RBCK1: variants seen among roughly 807,000 people sequenced by gnomAD.
RBCK1 encodes the protein ranBP-type and C3HC4-type zinc finger-containing protein 1.
Under a neutral mutation model 71.1 loss-of-function variants are expected in RBCK1, and 44 were observed. The ratio of observed to expected loss-of-function variants is 0.62; its 90% CI spans 0.49 to 0.80. The LOEUF is 0.80. Ranked by LOEUF, RBCK1 falls within the 30% of genes least tolerant of loss-of-function variation. RBCK1 has a pLI of 0.00. For synonymous variants in RBCK1, 306 were observed against 279.7 expected, an observed-to-expected ratio of 1.09 and a Z score of -0.94; for missense variants, 569 against 685.0, an observed-to-expected ratio of 0.83 and a Z score of 1.89.
rs201470953 is a variant in RBCK1, at chr20:422,238, G to A, written c.1029G>A (p.Ala343=). The A allele has an allele frequency of 3.8e-5, 61 of 1,613,278 alleles. No homozygotes were observed. The Admixed American group carries it at 4.5e-4, about 12-fold the overall frequency. The change falls in exon 8 of 12, where the codon GCG becomes GCA. Residue 343 remains alanine (A), a splice_region_variant and synonymous_variant. Transcript: ENST00000356286. The surrounding 1 kb of genome is among the most constrained non-coding windows in gnomAD (Gnocchi z 5.0). ...SGKLLEREIK[A]LLTPEDYQRF... ...AGCTGCTGGAGAGGGAGATCAAGGC[G>A]GTAAGGCCTCAGGGTGGGAGACATA...
At chr20:410,933 T>C (rs867163337) in intron 2 of RBCK1, among the ~76,000 whole-genome samples, 1 of 152,186 alleles carries the variant, frequency 6.6e-6, no homozygotes, top group Non-Finnish European at 1.5e-5. Context: ...TTTTAGTATA[T>C]TCAAGGTTGT....
In RBCK1 at chr20:417,397, G is replaced by T. The variant is rs1237108532; in HGVS notation, c.168-129G>T. On this transcript the variant is annotated intron_variant, in intron 2 of 11. Transcript: ENST00000356286. The surrounding 1 kb of genome is among the most constrained non-coding windows in gnomAD (Gnocchi z 4.7). ...TGGGGCCTACCCCAGACTGGGGTTTGTGTGTGTGTGTGTGTGTGTGTGTGT... is the reference window on the plus strand; with the variant it reads ...TGGGGCCTACCCCAGACTGGGGTTTTTGTGTGTGTGTGTGTGTGTGTGTGT... 1.3e-5 allele frequency: 2 copies of T among 149,760 alleles called. No homozygotes were observed. The highest frequency in any genetic ancestry group is 5.5e-5 in the African/African-American group (1 of 18,200). The allele number at this position is 149,760 out of a possible 1,614,324, so 9.3% of individuals were successfully genotyped here. A position where few individuals can be genotyped will look rare whatever the true frequency, so the allele number is the denominator to read the frequency against.
At chr20:412,130 A>G (rs6139116) in intron 2 of RBCK1, among the ~76,000 whole-genome samples, 21,112 of 152,130 alleles carry the variant, frequency 0.14, 1,563 homozygotes, top group East Asian at 0.21. Context: ...TCTCCACATC[A>G]TCTCTAATAC....
chr20:427,696 G>A (rs1334958056), intron 9 of RBCK1, among the ~76,000 whole-genome samples: 6 of 152,088 alleles, frequency 3.9e-5, no homozygotes, highest in Non-Finnish European at 7.4e-5. Context: ...AGCCCCAGAT[G>A]GAGCCTCAAA....
At chr20:421,176 G>C in intron 7 of RBCK1, 145 bp downstream of exon 7, 2 of 1,081,908 alleles carry the variant, frequency 1.8e-6, no homozygotes, top group Non-Finnish European at 2.6e-6. Flanking sequence ...TCCCCATGTT[G>C]CGGACGAGGA....
At chr20:429,619 T>C (rs2016918994) in intron 11 of RBCK1, among the ~76,000 whole-genome samples, 4 of 152,360 alleles carry the variant, frequency 2.6e-5, no homozygotes, top group Admixed American at 2.0e-4. Flanking sequence ...TCAGTGTCCG[T>C]AGGTAAAGTG....
intron 8 of RBCK1, among the ~76,000 whole-genome samples, chr20:426,903 G>A (rs1025239371): frequency 6.0e-5 from 8 of 132,624 alleles, no homozygotes; most frequent in Non-Finnish European, 1.2e-4. Flanking sequence ...ATGGCTCACT[G>A]CATCCTTGAC....
Position 422,554 on chromosome 20 carries a change from G to T in RBCK1, c.1029+316G>T, listed in dbSNP as rs2016502253. 6.6e-6 allele frequency among the ~76,000 whole-genome samples: 1 copy of T among 152,150 alleles called. No individual in the cohort carries two copies. Among genetic ancestry groups the T allele is most frequent in the South Asian group, 2.1e-4 (1 of 4,836 alleles). ...TGTTAAGAATCAGGGACTCGGCTGG[G>T]CGTGGCAGCTCACACCTGTAATCCC... On this transcript the variant is annotated intron_variant, in intron 8 of 11. Transcript: ENST00000356286. The surrounding 1 kb of genome is among the most constrained non-coding windows in gnomAD (Gnocchi z 5.0).
intron 2 of RBCK1, among the ~76,000 whole-genome samples, chr20:411,101 G>C (rs1384820290): frequency 6.6e-6 from 1 of 152,034 alleles, no homozygotes; most frequent in Non-Finnish European, 1.5e-5. Context: ...CTACCTTCTG[G>C]AAATTCCATA....
At position 417,645 on chromosome 20, in the gene RBCK1, C is replaced by G. The variant is rs2122226169; in HGVS notation, c.261+26C>G. 2 of 1,609,560 alleles carry G rather than the reference C, an allele frequency of 1.2e-6. No individual in the cohort carries two copies. The highest frequency in any genetic ancestry group is 1.7e-6 in the Non-Finnish European group (2 of 1,176,244). ...GTGAGTGAGGAGGCGGAGGGCGACACTGGGGTGAAGGCTCTCCCTTTCACT... is the reference window on the plus strand; with the variant it reads ...GTGAGTGAGGAGGCGGAGGGCGACAGTGGGGTGAAGGCTCTCCCTTTCACT... On this transcript the variant is annotated intron_variant, in intron 3 of 11. Transcript: ENST00000356286. This position sits in a 1 kb window ranked among gnomAD's most constrained non-coding sequence, Gnocchi z 4.7.
intron 8 of RBCK1, among the ~76,000 whole-genome samples, chr20:423,385 G>A (rs2016546827): frequency 6.6e-6 from 1 of 152,150 alleles, no homozygotes; most frequent in African/African-American, 2.4e-5. Context: ...ACAAATCACT[G>A]CAGGCTCAAA....
intron 4 of RBCK1, among the ~76,000 whole-genome samples, chr20:418,628 A>T (rs1238829044): frequency 2.0e-5 from 3 of 152,136 alleles, no homozygotes; most frequent in Non-Finnish European, 4.4e-5. Context: ...TCGGCCTCCC[A>T]AAGTGCTGGG....
At chr20:410,527 A>T (rs1005470421) in intron 2 of RBCK1, 10 of 779,632 alleles carry the variant, frequency 1.3e-5, no homozygotes, top group Non-Finnish European at 2.4e-5. Flanking sequence ...AAAATTGTAC[A>T]CACTTCTTCC....
chr20:431,558 G>A lies in RBCK1; in HGVS notation c.*1128G>A, dbSNP rs763813547. 6.2e-4 allele frequency among the ~76,000 whole-genome samples: 94 copies of A among 152,144 alleles called. No homozygotes were observed. Among genetic ancestry groups the A allele is most frequent in the Non-Finnish European group, 5.0e-4 (34 of 68,020 alleles). On this transcript the variant is annotated 3_prime_UTR_variant, in exon 12 of 12. Transcript: ENST00000356286. The surrounding 1 kb of genome is among the most constrained non-coding windows in gnomAD (Gnocchi z 4.8). ...CCCAACACATTGTCCACGCTGTGAC[G>A]TGACCATCATCATAGCAGGCAGAGG...
chr20:417,325 A>G lies in RBCK1; in HGVS notation c.168-201A>G. On this transcript the variant is annotated intron_variant, in intron 2 of 11. Transcript: ENST00000356286. The surrounding 1 kb of genome is among the most constrained non-coding windows in gnomAD (Gnocchi z 4.7). ...TTGATTCTAAGAGTAGCGTGGAGCC[A>G]TTGGAGGGGCCTAACTGGTGGGTTC... 1 of 724,184 alleles carries G rather than the reference A, an allele frequency of 1.4e-6. No homozygotes were observed. The highest frequency in any genetic ancestry group is 1.4e-5 in the South Asian group (1 of 70,054). 44.9% of individuals were successfully genotyped at this position (724,184 alleles called of 1,614,324 possible).
At chr20:425,007 AT>A (rs111583781) in intron 8 of RBCK1, among the ~76,000 whole-genome samples, 295 of 145,694 alleles carry the variant, frequency 2.0e-3, no homozygotes, top group Middle Eastern at 6.9e-3. Flanking sequence ...CTCTGGGCAA[AT>A]TTTTTTTTTT....
At position 417,268 on chromosome 20, in the gene RBCK1, A is replaced by G; in HGVS notation, c.168-258A>G. On this transcript the variant is annotated intron_variant, in intron 2 of 11. Coordinates refer to ENST00000356286, the MANE Select transcript of RBCK1 (RefSeq NM_031229.4). This position sits in a 1 kb window ranked among gnomAD's most constrained non-coding sequence, Gnocchi z 4.7. Reference sequence around the variant, plus strand: ...AGGTTGGAGAGGTCAGGGAGGTGCCAGATCATGGAGGCCCTCGTGTGCTGC... The same window carrying G: ...AGGTTGGAGAGGTCAGGGAGGTGCCGGATCATGGAGGCCCTCGTGTGCTGC... 1.5e-6 allele frequency: 1 copy of G among 673,244 alleles called. No individual in the cohort carries two copies. Among genetic ancestry groups the G allele is most frequent in the Non-Finnish European group, 2.8e-6 (1 of 352,896 alleles). 41.7% of individuals were successfully genotyped at this position (673,244 alleles called of 1,614,324 possible).
intron 8 of RBCK1, among the ~76,000 whole-genome samples, chr20:423,499 A>C (rs1023357720): frequency 6.6e-6 from 1 of 152,192 alleles, no homozygotes; most frequent in Non-Finnish European, 1.5e-5. Flanking sequence ...GATAGAACAT[A>C]TTCTTACAAA....
intron 4 of RBCK1, 34 bp from the exon 5 acceptor site, chr20:419,313 C>G (rs758541405): frequency 3.1e-6 from 5 of 1,610,694 alleles, no homozygotes; most frequent in East Asian, 2.2e-5. Context: ...AAGTGGGCCG[C>G]GTGGAACCAC....
Sources: allele counts gnomAD v4.1 joint callset (sites outside exome capture counted in the v4.1 genomes callset), GRCh38; gene constraint gnomAD v4.1.1; non-coding constraint Gnocchi (gnomAD v3.1); transcripts MANE v1.5; gene names NCBI Gene and HGNC (gene_info 2026-07-23, HGNC 2026-07-21).